The following CAPN12 variants were observed in gnomAD, a reference collection of about 807,000 sequenced individuals.
CAPN12 encodes calpain 12, also known as calpain-12.
In CAPN12, 107 loss-of-function variants were observed where a neutral mutation model predicts 95.0. The ratio of observed to expected loss-of-function variants is 1.13; its 90% confidence interval spans 0.96 to 1.32. The LOEUF (loss-of-function observed/expected upper bound fraction) is 1.32, where lower values mean the gene tolerates loss of function less well. Ranked by LOEUF, CAPN12 falls within the 40% of genes most tolerant of loss-of-function variation. CAPN12 has a pLI of 0.00. For synonymous variants in CAPN12, 505 were observed against 415.5 expected (o/e 1.22, Z -2.62); for missense variants, 1,136 against 997.8 (o/e 1.14, Z -1.87).
chr19:38,736,487 GGTTGACCAAGCCCCAGGGC>G, intron 11 of CAPN12, 46 bp downstream of exon 11: 1 of 499,002 alleles, frequency 2.0e-6, no homozygotes, highest in Non-Finnish European at 2.7e-6. Context: ...CCCCAGGGCA[GGTTGACCAAGCCCCAGGGC>G]AGGTTGACCA....
At chr19:38,742,894 A>T in intron 2 of CAPN12, 139 bp downstream of exon 2, 1 of 362,646 alleles carries the variant, frequency 2.8e-6, no homozygotes, top group Non-Finnish European at 5.1e-6. Context: ...AGGAGGGAGG[A>T]GGGAGAGAGA....
At position 38,734,025 on chromosome 19, in the gene CAPN12, G is replaced by C. The variant is rs1969826059; in HGVS notation, c.1878+117C>G. 6 of 1,145,650 alleles carry C rather than the reference G, an allele frequency of 5.2e-6. No homozygotes were observed. In the Admixed American group the frequency reaches 9.2e-5, roughly 18 times the overall value. The allele number at this position is 1,145,650 out of a possible 1,614,324, so 71.0% of individuals were successfully genotyped here. A position where few individuals can be genotyped will look rare whatever the true frequency, so the allele number is the denominator to read the frequency against. ...GGATATCCCAGCCAGATCTCTCCAA[G>C]TCAGCCTAGTCCAGTACCCCCTCGT... On this transcript the variant is annotated intron_variant, in intron 17 of 20. Coordinates refer to ENST00000328867, the MANE Select transcript of CAPN12 (RefSeq NM_144691.4).
At chr19:38,742,273 G>C (rs890546280) in intron 3 of CAPN12, 137 bp downstream of exon 3, 1 of 724,272 alleles carries the variant, frequency 1.4e-6, no homozygotes, top group East Asian at 2.7e-5. Flanking sequence ...AGGTTGCAGT[G>C]AGCCGAGATT....
rs201798417 is a variant in CAPN12 at position 38,744,125 on chromosome 19, T to C, written c.41A>G (p.Asp14Gly). 6.2e-7 allele frequency: 1 copy of C among 1,614,072 alleles called. No individual in the cohort carries two copies. Among genetic ancestry groups the C allele is most frequent in the Non-Finnish European group, 8.5e-7 (1 of 1,180,018 alleles). ...SSGRVTIQLV[D>G]EEAGVGAGRL... The stretch of plus-strand genomic sequence containing the variant: ...CCCGGCTCCGACCCCAGCCTCCTCA[T>C]CCACGAGCTGGATGGTGACCCTCCC... Residue 14 changes from aspartate (D) to glycine (G), a missense_variant, in exon 1 of 21, where the codon GAT becomes GGT. Asp to Gly is a moderately conservative substitution (Grantham distance 94, BLOSUM62 -1). Transcript: ENST00000328867.
chr19:38,731,144 C>T lies in CAPN12; in HGVS notation c.2037G>A (p.Arg679=). ...RDSRLRVDFE[R]FVSCVAHLTC... is the part of the protein sequence containing the mutation. Reference sequence around the variant, plus strand: ...TGAGGTGGGCCACACAGGACACGAACCGCTCGAAGTCCACACGCAGACGGC... The same window carrying T: ...TGAGGTGGGCCACACAGGACACGAATCGCTCGAAGTCCACACGCAGACGGC... The change falls in exon 19 of 21, where the codon CGG becomes CGA. Residue 679 remains arginine (R), a synonymous_variant. Transcript: ENST00000328867. 6.2e-7 allele frequency: 1 copy of T among 1,613,056 alleles called. No individual in the cohort carries two copies. The highest frequency in any genetic ancestry group is 8.5e-7 in the Non-Finnish European group (1 of 1,179,968).
chr19:38,734,394 A>C lies in CAPN12; in HGVS notation c.1745-5T>G. On this transcript the variant is annotated splice_region_variant and splice_polypyrimidine_tract_variant and intron_variant, in intron 15 of 20. Transcript: ENST00000328867. ...GGGTGGAGGTATGGGCCCTGGCTAC[A>C]GGAAAAACAAAGTCAAACCACAGCA... 6.3e-7 allele frequency: 1 copy of C among 1,579,568 alleles called. No homozygotes were observed. The highest frequency in any genetic ancestry group is 8.6e-7 in the Non-Finnish European group (1 of 1,164,230).
rs769867090 is a variant in CAPN12, at chr19:38,730,650, C to T, written c.*202G>A. On this transcript the variant is annotated 3_prime_UTR_variant, in exon 21 of 21. Coordinates refer to ENST00000328867, the MANE Select transcript of CAPN12 (RefSeq NM_144691.4). ...CGTGGACTAGCTCGTGTCATCTGCT[C>T]GAGAAGGGCTGTCGCTGTTCTTGTT... 5.9e-5 allele frequency: 38 copies of T among 642,472 alleles called. No individual in the cohort carries two copies. Among genetic ancestry groups the T allele is most frequent in the East Asian group, 8.2e-5 (3 of 36,678 alleles). The allele number at this position is 642,472 out of a possible 1,614,324, so 39.8% of individuals were successfully genotyped here. A position where few individuals can be genotyped will look rare whatever the true frequency, so the allele number is the denominator to read the frequency against.
Position 38,730,677 on chromosome 19 carries a change from CTGAG to C in CAPN12, c.*171_*174del, listed in dbSNP as rs1211503488. ...AGAAGGGCTGTCGCTGTTCTTGTTT[CTGAG>C]TGAGGAGTACGCAGGCCAGAGTGGT... is the stretch of plus-strand genomic sequence containing the variant. On this transcript the variant is annotated 3_prime_UTR_variant, in exon 21 of 21. Transcript: ENST00000328867. 2.9e-6 allele frequency: 2 copies of C among 700,544 alleles called. No individual in the cohort carries two copies. Among genetic ancestry groups the C allele is most frequent in the African/African-American group, 3.5e-5 (2 of 56,442 alleles). 43.4% of individuals were successfully genotyped at this position (700,544 alleles called of 1,614,324 possible).
Position 38,744,426 on chromosome 19 carries a change from C to A in CAPN12, c.-261G>T. 1.8e-6 allele frequency: 1 copy of A among 553,456 alleles called. No homozygotes were observed. The allele number at this position is 553,456 out of a possible 1,614,324, so 34.3% of individuals were successfully genotyped here. A position where few individuals can be genotyped will look rare whatever the true frequency, so the allele number is the denominator to read the frequency against. On this transcript the variant is annotated 5_prime_UTR_variant, in exon 1 of 21. Transcript: ENST00000328867. ...GCAGCAGGAGAGAAGGCGGGCAGAGCTGAGGGAGGACCGGCTGCCGCTGTC... is the reference window on the plus strand; with the variant it reads ...GCAGCAGGAGAGAAGGCGGGCAGAGATGAGGGAGGACCGGCTGCCGCTGTC...
intron 14 of CAPN12, 200 bp downstream of exon 14, chr19:38,735,170 C>CT (rs1175575424): frequency 1.6e-6 from 1 of 614,108 alleles, no homozygotes; most frequent in Non-Finnish European, 2.8e-6. Context: ...GAGGGTGGTC[C>CT]TGGGAGAGGG....
At position 38,730,274 on chromosome 19, in the gene CAPN12, C is replaced by T. The variant is rs1969474845; in HGVS notation, c.*578G>A. On this transcript the variant is annotated 3_prime_UTR_variant, in exon 21 of 21. Transcript: ENST00000328867. ...TAGCAACATATCTCTGCCGTCTCTC[C>T]TGCTCTCATAATGAAGACATAGCCG... The T allele has an allele frequency of 6.2e-6, 1 of 162,026 alleles. No individual in the cohort carries two copies. Among genetic ancestry groups the T allele is most frequent in the Non-Finnish European group, 1.4e-5 (1 of 73,594 alleles). The allele number at this position is 162,026 out of a possible 1,614,324, so 10.0% of individuals were successfully genotyped here. A position where few individuals can be genotyped will look rare whatever the true frequency, so the allele number is the denominator to read the frequency against.
Position 38,737,652 on chromosome 19 carries a change from C to G in CAPN12, c.966-14G>C. The G allele has an allele frequency of 1.3e-6, 2 of 1,561,932 alleles. No homozygotes were observed. The highest frequency in any genetic ancestry group is 1.7e-6 in the Non-Finnish European group (2 of 1,152,188). ...CGCAGCTCCATCCTGCACGGTGGCC[C>G]AGTCAGACCCTGCCCGGCCCCACCT... On this transcript the variant is annotated splice_polypyrimidine_tract_variant and intron_variant, in intron 8 of 20. Coordinates refer to ENST00000328867, the MANE Select transcript of CAPN12 (RefSeq NM_144691.4).
Position 38,736,213 on chromosome 19 carries a change from A to AGCAGCGGCGGGTCAC in CAPN12, c.1465_1479dup (p.Val489_Cys493dup). ...ACCAGGTAGTGGCCTGGACGCAGGCAGCAGCGGCGGGTCACGTCGCGGCGG... is the reference window on the plus strand; with the variant it reads ...ACCAGGTAGTGGCCTGGACGCAGGCAGCAGCGGCGGGTCACGCAGCGGCGGGTCACGTCGCGGCGG... On this transcript the variant is annotated inframe_insertion, in exon 12 of 21. Coordinates refer to ENST00000328867, the MANE Select transcript of CAPN12 (RefSeq NM_144691.4). 6.7e-7 allele frequency: 1 copy of AGCAGCGGCGGGTCAC among 1,502,420 alleles called. No individual in the cohort carries two copies. Among genetic ancestry groups the AGCAGCGGCGGGTCAC allele is most frequent in the Non-Finnish European group, 8.8e-7 (1 of 1,130,382 alleles). 93.1% of individuals were successfully genotyped at this position (1,502,420 alleles called of 1,614,324 possible).
intron 4 of CAPN12, among the ~76,000 whole-genome samples, chr19:38,741,437 G>C (rs996975465): frequency 3.3e-5 from 5 of 152,144 alleles, no homozygotes; most frequent in Non-Finnish European, 5.9e-5. Context: ...GCCAGGCATG[G>C]TGGTGCGCTC....
In CAPN12 at chr19:38,735,560, G is replaced by A. The variant is rs776256484; in HGVS notation, c.1584-16C>T. ...GTCGATCTCCCTGCAAATTACAGAT[G>A]GGAAGTGGGGAGGGGGCTGTTTGCC... On this transcript the variant is annotated splice_polypyrimidine_tract_variant and intron_variant, in intron 12 of 20. Coordinates refer to ENST00000328867, the MANE Select transcript of CAPN12 (RefSeq NM_144691.4). 1.3e-5 allele frequency: 21 copies of A among 1,608,054 alleles called. No homozygotes were observed. The highest frequency in any genetic ancestry group is 6.7e-5 in the East Asian group (3 of 44,506).
chr19:38,738,629 C>A lies in CAPN12; in HGVS notation c.749G>T (p.Arg250Leu). 1 of 1,613,970 alleles carries A rather than the reference C, an allele frequency of 6.2e-7. No individual in the cohort carries two copies. The highest frequency in any genetic ancestry group is 8.5e-7 in the Non-Finnish European group (1 of 1,179,994). ...TCCCTTTACCAGGCCCTCTTCTGTG[C>A]GGTACTCACCCCGATCACTCTGGGC... is the stretch of plus-strand genomic sequence containing the variant. ...ATALSDRGEYRTEEGLVKGHA... is the reference protein window; with the variant it reads ...ATALSDRGEYLTEEGLVKGHA... The change falls in exon 6 of 21, where the codon CGC (arginine) becomes CTC (leucine). Residue 250 changes from arginine to leucine, a missense_variant. Physicochemically the swap from Arg to Leu is moderately radical, Grantham distance 102. Coordinates refer to ENST00000328867, the MANE Select transcript of CAPN12 (RefSeq NM_144691.4).
At chr19:38,734,489 G>T in intron 15 of CAPN12, 100 bp from the exon 16 acceptor site, 1 of 1,056,610 alleles carries the variant, frequency 9.5e-7, no homozygotes, top group Non-Finnish European at 1.4e-6. Context: ...GATGTTGTCA[G>T]TCCCATATTA....
rs771424583 is a variant in CAPN12, at chr19:38,734,825, C to T, written c.1732G>A (p.Ala578Thr). The T allele has an allele frequency of 7.4e-6, 12 of 1,612,662 alleles. No individual in the cohort carries two copies. The East Asian group carries it at 8.9e-5, about 12-fold the overall frequency. ...CCAGCCAACTCACCAGGCTCCAGGG[C>T]AATGCTTAGTAAGGCCTGGAGCTGA... ...ASQLQALLSI[A>T]LEPARAHTST... The change falls in exon 15 of 21, where the codon GCC (alanine) becomes ACC (threonine). Residue 578 changes from alanine (A) to threonine (T), a missense_variant. Coordinates refer to ENST00000328867, the MANE Select transcript of CAPN12 (RefSeq NM_144691.4).
In CAPN12 at chr19:38,742,394, A is replaced by G. The variant is rs1970598069; in HGVS notation, c.426+16T>C. On this transcript the variant is annotated intron_variant, in intron 3 of 20. Transcript: ENST00000328867. ...ATGGGGGAAACGGAGGCATGGGCAG[A>G]GGAACTGAGCTGTACCTGGAAGTGG... The G allele has an allele frequency of 1.3e-6, 2 of 1,564,734 alleles. No homozygotes were observed. The highest frequency in any genetic ancestry group is 4.5e-5 in the East Asian group (2 of 44,618).
Sources: allele counts gnomAD v4.1 joint callset (sites outside exome capture counted in the v4.1 genomes callset), GRCh38; gene constraint gnomAD v4.1.1; transcripts MANE v1.5; gene names NCBI Gene and HGNC (gene_info 2026-07-23, HGNC 2026-07-21).